AGBL4: variants seen among roughly 807,000 people sequenced by gnomAD.
The protein encoded by AGBL4 is AGBL carboxypeptidase 4, also known as cytosolic carboxypeptidase 6.
In AGBL4, 58 loss-of-function variants were observed where a neutral mutation model predicts 66.4. That is an observed-to-expected ratio of 0.87 (90% CI 0.71 to 1.09). The LOEUF is 1.09. AGBL4 is among the 50% of genes least tolerant of loss of function. The pLI, the probability that AGBL4 is intolerant of heterozygous loss-of-function variation, is 0.00. For synonymous variants in AGBL4, 234 were observed against 222.9 expected (o/e 1.05, Z -0.44); for missense variants, 579 against 631.0 (o/e 0.92, Z 0.88).
chr1:48,869,615 T>G (rs1460366274), intron 5 of AGBL4, among the ~76,000 whole-genome samples: 1 of 152,174 alleles, frequency 6.6e-6, no homozygotes, highest in Non-Finnish European at 1.5e-5. Context: ...TGTCCTGGCT[T>G]TCTGTCTCTG....
intron 4 of AGBL4, among the ~76,000 whole-genome samples, chr1:49,076,295 A>G (rs987742825): frequency 6.6e-6 from 1 of 152,192 alleles, no homozygotes; most frequent in African/African-American, 2.4e-5. Flanking sequence ...TAACCTATAC[A>G]CATCCTCCTA....
At chr1:49,203,195 G>T (rs1570050622) in intron 4 of AGBL4, among the ~76,000 whole-genome samples, 1 of 151,718 alleles carries the variant, frequency 6.6e-6, no homozygotes, top group Admixed American at 6.6e-5. Flanking sequence ...ATATAGCCTC[G>T]ATAGAAAACA....
chr1:48,632,205 T>C (rs1468577913), intron 9 of AGBL4, among the ~76,000 whole-genome samples: 2 of 152,140 alleles, frequency 1.3e-5, no homozygotes, highest in African/African-American at 4.8e-5. Context: ...CACCCTTGCT[T>C]GAGGCATAAA....
At chr1:49,558,776 C>T (rs1017475175) in intron 3 of AGBL4, among the ~76,000 whole-genome samples, 1 of 152,132 alleles carries the variant, frequency 6.6e-6, no homozygotes, top group Non-Finnish European at 1.5e-5. Flanking sequence ...GCTCTTGAGC[C>T]TTAAAGGAAC....
intron 2 of AGBL4, among the ~76,000 whole-genome samples, chr1:49,812,685 C>T (rs953286012): frequency 3.9e-5 from 6 of 152,196 alleles, no homozygotes; most frequent in African/African-American, 1.4e-4. Flanking sequence ...AACCCTGTCA[C>T]AAGTCACCCT....
intron 6 of AGBL4, among the ~76,000 whole-genome samples, chr1:48,772,618 TA>T (rs2148698128): frequency 6.6e-6 from 1 of 152,250 alleles, no homozygotes; most frequent in East Asian, 1.9e-4. Flanking sequence ...GCTAAGAAAC[TA>T]AAACTTTTTT....
At chr1:49,972,037 C>T (rs1423701949) in intron 1 of AGBL4, among the ~76,000 whole-genome samples, 1 of 149,450 alleles carries the variant, frequency 6.7e-6, no homozygotes, top group African/African-American at 2.5e-5. Flanking sequence ...CCTGCCTCAG[C>T]CTCCCGAGTA....
intron 4 of AGBL4, among the ~76,000 whole-genome samples, chr1:49,235,616 T>G (rs1650667453): frequency 6.6e-6 from 1 of 152,236 alleles, no homozygotes; most frequent in Non-Finnish European, 1.5e-5. Context: ...ATCTCTATTT[T>G]ATATACAAGG....
chr1:48,664,214 A>T (rs963030390), intron 6 of AGBL4, among the ~76,000 whole-genome samples: 6 of 152,194 alleles, frequency 3.9e-5, no homozygotes, highest in African/African-American at 1.4e-4. Context: ...GAGAGGGGGA[A>T]GCACTGTAGA....
At chr1:48,826,230 G>C (rs1219699000) in intron 6 of AGBL4, among the ~76,000 whole-genome samples, 4 of 152,094 alleles carry the variant, frequency 2.6e-5, no homozygotes, top group Admixed American at 6.5e-5. Flanking sequence ...ACTATCACAT[G>C]CTTCAGTCTC....
At chr1:48,997,258 G>C (rs555389441) in intron 5 of AGBL4, among the ~76,000 whole-genome samples, 1 of 152,014 alleles carries the variant, frequency 6.6e-6, no homozygotes, top group African/African-American at 2.4e-5. Flanking sequence ...GAAGAGATAG[G>C]GATAATTTTA....
intron 2 of AGBL4, among the ~76,000 whole-genome samples, chr1:49,776,766 T>A (rs1644208689): frequency 6.6e-6 from 1 of 152,136 alleles, no homozygotes; most frequent in Non-Finnish European, 1.5e-5. Flanking sequence ...AGCACTTTTA[T>A]CATGATTTTG....
intron 3 of AGBL4, among the ~76,000 whole-genome samples, chr1:49,686,162 C>A (rs977234259): frequency 2.6e-5 from 4 of 152,104 alleles, no homozygotes; most frequent in Non-Finnish European, 4.4e-5. Context: ...GGAGTACTAT[C>A]CCCAGTGGTT....
At chr1:49,752,785 A>C (rs1391145782) in intron 2 of AGBL4, among the ~76,000 whole-genome samples, 1 of 152,212 alleles carries the variant, frequency 6.6e-6, no homozygotes, top group Non-Finnish European at 1.5e-5. Flanking sequence ...TAGGATAGTT[A>C]GCCCTTCTTG....
chr1:49,548,847 G>C (rs1198587130), intron 3 of AGBL4, among the ~76,000 whole-genome samples: 2 of 152,082 alleles, frequency 1.3e-5, no homozygotes, highest in Non-Finnish European at 2.9e-5. Flanking sequence ...AGCATCAAAG[G>C]ATTGGTATCA....
chr1:49,507,084 T>A (rs1265254352), intron 3 of AGBL4, among the ~76,000 whole-genome samples: 2 of 152,040 alleles, frequency 1.3e-5, no homozygotes, highest in Non-Finnish European at 2.9e-5. Flanking sequence ...TTCTGCATTC[T>A]TGGGTGTCCT....
intron 6 of AGBL4, among the ~76,000 whole-genome samples, chr1:48,669,940 T>A (rs564348652): frequency 1.3e-4 from 20 of 152,306 alleles, no homozygotes; most frequent in Non-Finnish European, 2.4e-4. Flanking sequence ...AGATCTCCCA[T>A]GGCCTAAAAT....
chr1:49,594,590 C>T (rs751698582), intron 3 of AGBL4, among the ~76,000 whole-genome samples: 16 of 152,176 alleles, frequency 1.1e-4, no homozygotes, highest in Non-Finnish European at 1.8e-4. Context: ...CTGTCCAACT[C>T]CCACTTACAA....
At chr1:49,748,359 G>A (rs1651164831) in intron 2 of AGBL4, among the ~76,000 whole-genome samples, 1 of 152,054 alleles carries the variant, frequency 6.6e-6, no homozygotes, top group Non-Finnish European at 1.5e-5. Context: ...TTTTATGGCT[G>A]CATAGTATTC....
Sources: gnomAD v4.1 joint callset for allele counts (sites outside exome capture counted in the v4.1 genomes callset) on GRCh38, gnomAD v4.1.1 for gene constraint, MANE v1.5 for transcripts, NCBI Gene and HGNC (gene_info 2026-07-23, HGNC 2026-07-21) for gene names.